The following TRIQK variants were observed in gnomAD, a reference collection of about 807,000 sequenced individuals.
The protein encoded by TRIQK is triple QxxK/R motif-containing protein.
A neutral mutation model predicts 10.8 loss-of-function variants in TRIQK; 10 were observed. That is an observed-to-expected ratio of 0.92 (90% CI 0.57 to 1.57). The LOEUF is 1.57. Ranked by LOEUF, TRIQK falls within the 40% of genes most tolerant of loss-of-function variation. The pLI is 0.00. For missense variants in TRIQK, 107 were observed against 97.7 expected (o/e 1.09, Z -0.40); for synonymous variants, 33 against 33.7 (o/e 0.98, Z 0.07).
At chr8:92,903,413 G>C (rs1809064639) in intron 3 of TRIQK, among the ~76,000 whole-genome samples, 2 of 151,882 alleles carry the variant, frequency 1.3e-5, no homozygotes, top group Admixed American at 1.3e-4. Context: ...TTGTAGCACA[G>C]GTGTTTTTGA....
chr8:92,976,707 G>A (rs1812934567), intron 1 of TRIQK, among the ~76,000 whole-genome samples: 1 of 151,594 alleles, frequency 6.6e-6, no homozygotes, highest in South Asian at 2.1e-4. Context: ...TCCCTTCTTT[G>A]TTCTCTTTTC....
intron 2 of TRIQK, among the ~76,000 whole-genome samples, chr8:92,936,124 G>C (rs540469826): frequency 6.6e-6 from 1 of 151,524 alleles, no homozygotes; most frequent in East Asian, 1.9e-4. Context: ...ATTTCATAAG[G>C]CTAATAGAAT....
intron 1 of TRIQK, among the ~76,000 whole-genome samples, chr8:92,962,695 C>T (rs184655816): frequency 1.3e-5 from 2 of 152,118 alleles, no homozygotes; most frequent in East Asian, 1.9e-4. Flanking sequence ...CAAAAAGAGA[C>T]GTATCTGACC....
At chr8:92,986,123 T>C (rs1813028327) in intron 1 of TRIQK, among the ~76,000 whole-genome samples, 1 of 152,132 alleles carries the variant, frequency 6.6e-6, no homozygotes, top group Admixed American at 6.6e-5. Flanking sequence ...TGGCTGTGAT[T>C]ATTTTGGATC....
At chr8:92,937,452 GT>G (rs932302322) in intron 2 of TRIQK, among the ~76,000 whole-genome samples, 1 of 151,644 alleles carries the variant, frequency 6.6e-6, no homozygotes, top group Non-Finnish European at 1.5e-5. Context: ...GTTTTACCCA[GT>G]TGAAAACATG....
chr8:92,963,651 T>C (rs1444454748), intron 1 of TRIQK: 1 of 152,156 alleles, frequency 6.6e-6, no homozygotes, highest in Non-Finnish European at 1.5e-5. Flanking sequence ...CTCAACACTT[T>C]GGGAGGCCGA....
intron 1 of TRIQK, among the ~76,000 whole-genome samples, chr8:92,958,420 T>A (rs1238454652): frequency 6.6e-6 from 1 of 151,996 alleles, no homozygotes. Context: ...TATTAAATAT[T>A]GTACATACTT....
chr8:92,909,222 C>T (rs1357894309), intron 3 of TRIQK, among the ~76,000 whole-genome samples: 1 of 151,816 alleles, frequency 6.6e-6, no homozygotes, highest in African/African-American at 2.4e-5. Flanking sequence ...CAAATGCTCA[C>T]AGGAAAATAA....
Position 92,892,039 on chromosome 8 carries a change from G to A in TRIQK, c.97C>T (p.Arg33Ter), listed in dbSNP as rs769683814. ...QDYKKTKPIL[R>*]ATKLKAEAKK... The stretch of plus-strand genomic sequence containing the variant: ...GCTTCTGCTTTTAATTTGGTTGCTC[G>A]TAAAATAGGTTTAGTTTTTTTATAA... Residue 33 changes from arginine to a stop codon, truncating the protein, a stop_gained, in exon 4 of 5, where the codon CGA (arginine) becomes TGA (stop). Transcript: ENST00000521988. LOFTEE classifies it high-confidence loss of function. The A allele has an allele frequency of 2.0e-5, 31 of 1,532,838 alleles. No homozygotes were observed. The highest frequency in any genetic ancestry group is 6.0e-5 in the South Asian group (5 of 83,900). 95.0% of individuals were successfully genotyped at this position (1,532,838 alleles called of 1,614,324 possible).
chr8:92,904,925 G>C (rs540800741), intron 3 of TRIQK, among the ~76,000 whole-genome samples: 9 of 152,092 alleles, frequency 5.9e-5, no homozygotes, highest in Non-Finnish European at 1.3e-4. Flanking sequence ...AGAATTAAAG[G>C]TTAACTTGCC....
chr8:92,913,867 G>A (rs1392267943), intron 3 of TRIQK, among the ~76,000 whole-genome samples: 3 of 152,092 alleles, frequency 2.0e-5, no homozygotes, highest in Non-Finnish European at 4.4e-5. Flanking sequence ...ACTAACACAG[G>A]AACAGAAAAC....
intron 1 of TRIQK, among the ~76,000 whole-genome samples, chr8:93,001,303 C>G (rs949917605): frequency 7.2e-6 from 1 of 139,290 alleles, no homozygotes; most frequent in Non-Finnish European, 1.5e-5. Context: ...CAGACTCCAT[C>G]TCAAAAAAAA....
chr8:92,913,317 C>T (rs1459146178), intron 3 of TRIQK, among the ~76,000 whole-genome samples: 1 of 152,014 alleles, frequency 6.6e-6, no homozygotes, highest in East Asian at 1.9e-4. Flanking sequence ...AGGATATGAA[C>T]AGACACTTCT....
chr8:92,895,660 A>C (rs1398153638), intron 3 of TRIQK, among the ~76,000 whole-genome samples: 1 of 152,202 alleles, frequency 6.6e-6, no homozygotes, highest in Non-Finnish European at 1.5e-5. Context: ...AGTAAAGGCT[A>C]TCCTTGTTAT....
chr8:92,900,245 T>C (rs939834185), intron 3 of TRIQK, among the ~76,000 whole-genome samples: 2 of 152,152 alleles, frequency 1.3e-5, no homozygotes, highest in African/African-American at 2.4e-5. Context: ...AGGAGCTTTT[T>C]AATATGATGT....
At chr8:92,932,873 AG>A (rs1396677924) in intron 2 of TRIQK, among the ~76,000 whole-genome samples, 1 of 152,170 alleles carries the variant, frequency 6.6e-6, no homozygotes, top group Non-Finnish European at 1.5e-5. Context: ...AGTTCCTTCA[AG>A]GTGGTTTGTG....
intron 1 of TRIQK, among the ~76,000 whole-genome samples, chr8:92,984,417 A>G (rs555927216): frequency 6.6e-6 from 1 of 152,134 alleles, no homozygotes; most frequent in Non-Finnish European, 1.5e-5. Context: ...CAAGGGGGAA[A>G]AAAGTGTTTC....
intron 2 of TRIQK, among the ~76,000 whole-genome samples, chr8:92,936,197 T>A (rs978697844): frequency 6.6e-6 from 1 of 151,622 alleles, no homozygotes; most frequent in Admixed American, 6.6e-5. Context: ...ATCTTATTTA[T>A]GAACAAAGAT....
chr8:93,012,482 T>C (rs1271254682), intron 1 of TRIQK, among the ~76,000 whole-genome samples: 1 of 152,174 alleles, frequency 6.6e-6, no homozygotes, highest in South Asian at 2.1e-4. Context: ...TATGAATATA[T>C]GGTGTCAAAT....
Sources: allele counts gnomAD v4.1 joint callset (sites outside exome capture counted in the v4.1 genomes callset), GRCh38; gene constraint gnomAD v4.1.1; transcripts MANE v1.5; gene names NCBI Gene and HGNC (gene_info 2026-07-23, HGNC 2026-07-21).